Variants in ANKFN1 observed in about 807,000 individuals in gnomAD.
The protein encoded by ANKFN1 is ankyrin repeat and fibronectin type-III domain-containing protein 1.
Under a neutral mutation model 108.7 loss-of-function variants are expected in ANKFN1, and 74 were observed. The observed-to-expected ratio is 0.68, with a 90% CI of 0.56 to 0.83. The LOEUF (loss-of-function observed/expected upper bound fraction) is 0.83, where lower values mean the gene tolerates loss of function less well. ANKFN1 is among the 40% of genes least tolerant of loss of function. The probability of loss-of-function intolerance (pLI) is 0.00; values close to 1 mark genes in which losing one functional copy is unlikely to be tolerated. For synonymous variants in ANKFN1, 547 were observed against 516.2 expected (o/e 1.06, Z -0.81); for missense variants, 1,505 against 1,382.3 (o/e 1.09, Z -1.41).
intron 5 of ANKFN1, among the ~76,000 whole-genome samples, chr17:56,352,804 G>A (rs1241881143): frequency 6.6e-6 from 1 of 152,126 alleles, no homozygotes; most frequent in Non-Finnish European, 1.5e-5. Context: ...CAGATATTTG[G>A]AAATAAGGAA....
intron 3 of ANKFN1, among the ~76,000 whole-genome samples, chr17:56,296,314 A>C (rs1469109124): frequency 2.0e-5 from 3 of 152,196 alleles, no homozygotes; most frequent in Non-Finnish European, 2.9e-5. Context: ...AAAGTGAAAC[A>C]TTTGGCCTTT....
chr17:56,336,252 TC>T (rs539880034), intron 4 of ANKFN1, among the ~76,000 whole-genome samples: 199 of 152,308 alleles, frequency 1.3e-3, no homozygotes, highest in African/African-American at 4.7e-3. Context: ...TAAGGAGGAT[TC>T]CCTCTTTTTC....
At chr17:56,323,284 A>G (rs1053539140) in intron 3 of ANKFN1, 1 of 152,422 alleles carries the variant, frequency 6.6e-6, no homozygotes, top group Non-Finnish European at 1.5e-5. Context: ...TGCTGTAGTC[A>G]TTATTAGAGT....
At chr17:56,436,282 T>C (rs1457818961) in intron 8 of ANKFN1, among the ~76,000 whole-genome samples, 1 of 152,188 alleles carries the variant, frequency 6.6e-6, no homozygotes, top group Non-Finnish European at 1.5e-5. Flanking sequence ...GAAATACTAA[T>C]ATCTAGGTTT....
intron 6 of ANKFN1, among the ~76,000 whole-genome samples, chr17:56,366,513 AC>A (rs2046666314): frequency 6.6e-6 from 1 of 152,180 alleles, no homozygotes; most frequent in Admixed American, 6.5e-5. Flanking sequence ...TCACTGATTC[AC>A]CCAAAGCAAC....
chr17:56,400,971 G>A lies in ANKFN1; in HGVS notation c.910+26257G>A, dbSNP rs147102503. Among the ~76,000 whole-genome samples the A allele has an allele frequency of 6.2e-3, 938 of 152,224 alleles. 11 individuals carry two copies. The highest frequency in any genetic ancestry group is 0.022 in the African/African-American group (900 of 41,536). ...GTACCTATTTTTATGCGAGTACCAC[G>A]CTGTTTTGGTGACTATGGCCTTATA... On this transcript the variant is annotated intron_variant, in intron 8 of 20. Transcript: ENST00000682825.
chr17:56,435,256 C>T (rs2048895152), intron 8 of ANKFN1, among the ~76,000 whole-genome samples: 1 of 152,162 alleles, frequency 6.6e-6, no homozygotes. Flanking sequence ...TTTACTGAGC[C>T]ACCTACACTC....
intron 6 of ANKFN1, among the ~76,000 whole-genome samples, chr17:56,370,933 C>T (rs1296578899): frequency 3.6e-5 from 5 of 138,226 alleles, no homozygotes; most frequent in Admixed American, 8.2e-5. Context: ...AGTGTGCGCC[C>T]GCGTGTGTGT....
chr17:56,144,011 C>T (rs764219742), intron 4 of ANKFN1, among the ~76,000 whole-genome samples: 1 of 152,132 alleles, frequency 6.6e-6, no homozygotes, highest in South Asian at 2.1e-4. Flanking sequence ...GTAACCCTAG[C>T]AAACTGATCA....
intron 4 of ANKFN1, among the ~76,000 whole-genome samples, chr17:56,074,193 A>T (rs535173826): frequency 6.6e-6 from 1 of 152,278 alleles, no homozygotes; most frequent in African/African-American, 2.4e-5. Context: ...CAGGGATTTT[A>T]GTGGCATGTG....
intron 4 of ANKFN1, among the ~76,000 whole-genome samples, chr17:56,333,776 A>C (rs1173477533): frequency 6.6e-6 from 1 of 152,142 alleles, no homozygotes; most frequent in East Asian, 1.9e-4. Context: ...ATTTAACATG[A>C]CATTTATTAA....
At chr17:56,326,935 C>T (rs1469228906) in intron 4 of ANKFN1, among the ~76,000 whole-genome samples, 1 of 152,130 alleles carries the variant, frequency 6.6e-6, no homozygotes, top group Non-Finnish European at 1.5e-5. Context: ...AATCAATGGA[C>T]ATGTATTTAA....
chr17:56,332,979 G>GTATATATATATATA (rs61494269), intron 4 of ANKFN1, among the ~76,000 whole-genome samples: 166 of 147,816 alleles, frequency 1.1e-3, no homozygotes, highest in African/African-American at 3.9e-3. Context: ...ATATATGTGT[G>GTATATATATATATA]TATATATATA....
At chr17:56,428,090 C>T (rs1157467003) in intron 8 of ANKFN1, among the ~76,000 whole-genome samples, 1 of 151,942 alleles carries the variant, frequency 6.6e-6, no homozygotes, top group African/African-American at 2.4e-5. Flanking sequence ...AAAAATTAGC[C>T]AGGCATGGTG....
Position 56,374,616 on chromosome 17 carries a change from C to T in ANKFN1, c.812C>T (p.Pro271Leu). The T allele has an allele frequency of 1.2e-6, 2 of 1,613,772 alleles. No homozygotes were observed. The highest frequency in any genetic ancestry group is 2.2e-5 in the East Asian group (1 of 44,864). ...GFEHARAPEM[P>L]TNVCLMVTSS... ...TCTGTCCCAGGAGCCCCTGAGATGC[C>T]AACCAATGTCTGTCTCATGGTAACC... The change falls in exon 8 of 21, where the codon CCA (proline) becomes CTA (leucine). Residue 271 changes from proline to leucine, a missense_variant. Physicochemically the swap from Pro to Leu is moderately conservative, Grantham distance 98 (BLOSUM62 -3). Transcript: ENST00000682825.
chr17:56,098,633 T>C (rs1905580356), intron 4 of ANKFN1, among the ~76,000 whole-genome samples: 1 of 152,172 alleles, frequency 6.6e-6, no homozygotes, highest in Admixed American at 6.6e-5. Context: ...GAAAAGCACT[T>C]GGATCAAAGT....
intron 18 of ANKFN1, among the ~76,000 whole-genome samples, chr17:56,487,734 T>A (rs546980802): frequency 5.8e-4 from 88 of 152,264 alleles, no homozygotes; most frequent in Admixed American, 2.3e-3. Context: ...AGCACTCCTA[T>A]AAGAGGCAGG....
At chr17:56,449,022 A>G in intron 10 of ANKFN1, 57 bp from the exon 11 acceptor site, 1 of 1,487,946 alleles carries the variant, frequency 6.7e-7, no homozygotes, top group Non-Finnish European at 9.3e-7. Flanking sequence ...ACGCAGGGCA[A>G]GGAAGAGGCC....
At chr17:56,183,187 ACT>A (rs1479587357) in intron 1 of ANKFN1, among the ~76,000 whole-genome samples, 2 of 152,034 alleles carry the variant, frequency 1.3e-5, no homozygotes, top group African/African-American at 4.8e-5. Context: ...TTGGCTTTCA[ACT>A]CTTATTATTT....
Sources: allele counts gnomAD v4.1 joint callset (sites outside exome capture counted in the v4.1 genomes callset), GRCh38; gene constraint gnomAD v4.1.1; transcripts MANE v1.5; gene names NCBI Gene and HGNC (gene_info 2026-07-23, HGNC 2026-07-21).